The following POU5F1 variants were observed in gnomAD, a reference collection of about 807,000 sequenced individuals.
POU5F1 encodes POU class 5 homeobox 1, also known as POU domain, class 5, transcription factor 1.
In POU5F1, 6 loss-of-function variants were observed where a neutral mutation model predicts 38.3. The ratio of observed to expected loss-of-function variants is 0.16; its 90% CI spans 0.09 to 0.31. POU5F1 has a LOEUF of 0.31. Among genes scored for constraint, POU5F1 ranks in the 10% least tolerant of loss-of-function variants. The probability of loss-of-function intolerance (pLI) is 1.00; values close to 1 mark genes in which losing one functional copy is unlikely to be tolerated. For missense variants in POU5F1, 286 were observed against 462.6 expected, an observed-to-expected ratio of 0.62 and a Z score of 3.50; for synonymous variants, 147 against 194.9, an observed-to-expected ratio of 0.75 and a Z score of 2.05.
chr6:31,170,238 T>C lies in POU5F1; in HGVS notation c.383A>G (p.Lys128Arg). The C allele has an allele frequency of 6.2e-7, 1 of 1,612,920 alleles. No homozygotes were observed. The highest frequency in any genetic ancestry group is 1.7e-5 in the Admixed American group (1 of 60,020). Residue 128 changes from lysine to arginine, a missense_variant, in exon 1 of 5, where the codon AAG becomes AGG. Around this residue, in one of 2 missense-constraint regions of POU5F1, gnomAD observed 176 missense variants for 184.8 expected, o/e 0.95. Coordinates refer to ENST00000259915, the MANE Select transcript of POU5F1 (RefSeq NM_002701.6). ...TGCCTCCTCCGGGTTTTGCTCCAGCTTCTCCTTCTCCAGCTTCACGGCACC... is the reference window on the plus strand; with the variant it reads ...TGCCTCCTCCGGGTTTTGCTCCAGCCTCTCCTTCTCCAGCTTCACGGCACC... Reference protein sequence around the residue: ...TPGAVKLEKEKLEQNPEESQD... With the variant: ...TPGAVKLEKERLEQNPEESQD...
intron 1 of POU5F1, among the ~76,000 whole-genome samples, chr6:31,169,222 C>T (rs1561863046): frequency 6.6e-6 from 1 of 152,120 alleles, no homozygotes; most frequent in Non-Finnish European, 1.5e-5. Context: ...CACAGCCAGG[C>T]ACTTAGGAAG....
chr6:31,166,720 C>T (rs1323876773), intron 1 of POU5F1: 4 of 1,173,598 alleles, frequency 3.4e-6, no homozygotes, highest in African/African-American at 3.2e-5. Flanking sequence ...ACTCAAGTAT[C>T]ACCCCCAGTT....
Position 31,165,032 on chromosome 6 carries a change from C to A in POU5F1, c.816+96G>T. 6.4e-7 allele frequency: 1 copy of A among 1,556,196 alleles called. No individual in the cohort carries two copies. The highest frequency in any genetic ancestry group is 8.7e-7 in the Non-Finnish European group (1 of 1,149,880). On this transcript the variant is annotated intron_variant, in intron 4 of 4. Transcript: ENST00000259915. This position sits in a 1 kb window ranked among gnomAD's most constrained non-coding sequence, Gnocchi z 6.5. ...GACTGCTTGGACATTCTGTCCAAAG[C>A]CAACAGCCCTAGAGCAGTTGGAGGA...
chr6:31,165,782 T>A lies in POU5F1; in HGVS notation c.527-81A>T. ...GACCCTGAGATCCAAGCTTACCACC[T>A]CTTCCCAGAGGGAGCTCAAAGCATC... On this transcript the variant is annotated intron_variant, in intron 2 of 4. Coordinates refer to ENST00000259915, the MANE Select transcript of POU5F1 (RefSeq NM_002701.6). This position sits in a 1 kb window ranked among gnomAD's most constrained non-coding sequence, Gnocchi z 6.5. 6.4e-7 allele frequency: 1 copy of A among 1,556,524 alleles called. No individual in the cohort carries two copies. Among genetic ancestry groups the A allele is most frequent in the Non-Finnish European group, 8.7e-7 (1 of 1,151,200 alleles).
At position 31,167,000 on chromosome 6, in the gene POU5F1, G is replaced by A. The variant is rs1410508850; in HGVS notation, c.406-953C>T. ...TTACTGTATCTTTTTCACTATAGAGGCATCCTAATTGATTTTTAAATTCAA... is the reference window on the plus strand; with the variant it reads ...TTACTGTATCTTTTTCACTATAGAGACATCCTAATTGATTTTTAAATTCAA... On this transcript the variant is annotated intron_variant, in intron 1 of 4. Transcript: ENST00000259915. 7 of 757,470 alleles carry A rather than the reference G, an allele frequency of 9.2e-6. No homozygotes were observed. The East Asian group carries it at 2.6e-4, about 29-fold the overall frequency. 46.9% of individuals were successfully genotyped at this position (757,470 alleles called of 1,614,324 possible).
intron 1 of POU5F1, among the ~76,000 whole-genome samples, chr6:31,167,959 C>G (rs572241903): frequency 2.0e-5 from 3 of 150,872 alleles, no homozygotes; most frequent in African/African-American, 7.3e-5. Context: ...TTTCTCCCCA[C>G]CAAGACGGAA....
chr6:31,166,262 G>A lies in POU5F1; in HGVS notation c.406-215C>T, dbSNP rs761916552. ...TTCACTGACTCATGCATGTAACAAAGGACTACTCTTCCCCCAGAAACTGGC... is the reference window on the plus strand; with the variant it reads ...TTCACTGACTCATGCATGTAACAAAAGACTACTCTTCCCCCAGAAACTGGC... On this transcript the variant is annotated intron_variant, in intron 1 of 4. Transcript: ENST00000259915. The A allele has an allele frequency of 1.9e-6, 3 of 1,540,834 alleles. No individual in the cohort carries two copies. The East Asian group carries it at 7.4e-5, about 38-fold the overall frequency.
At position 31,166,004 on chromosome 6, in the gene POU5F1, G is replaced by A; in HGVS notation, c.449C>T (p.Ala150Val). The change falls in exon 2 of 5, where the codon GCC becomes GTC. Residue 150 changes from alanine (A) to valine (V), a missense_variant. Physicochemically the swap from Ala to Val is moderately conservative, Grantham distance 64. Transcript: ENST00000259915. ...GATCCTCTTCTGCTTCAGGAGCTTG[G>A]CAAATTGCTCGAGTTCTTTCTGCAG... ...KALQKELEQF[A>V]KLLKQKRITL... 6.2e-7 allele frequency: 1 copy of A among 1,614,204 alleles called. No individual in the cohort carries two copies. The highest frequency in any genetic ancestry group is 8.5e-7 in the Non-Finnish European group (1 of 1,180,034).
chr6:31,167,344 T>TA (rs1478039581), intron 1 of POU5F1, among the ~76,000 whole-genome samples: 2 of 151,994 alleles, frequency 1.3e-5, no homozygotes, highest in African/African-American at 4.8e-5. Flanking sequence ...CTGGGTAACA[T>TA]AGTGAGACCC....
intron 1 of POU5F1, chr6:31,166,852 T>G (rs1777302766): frequency 1.6e-6 from 2 of 1,247,976 alleles, no homozygotes; most frequent in African/African-American, 1.5e-5. Flanking sequence ...GCTTTGAGGG[T>G]CCCACAAACT....
rs751334783 is a variant in POU5F1, at chr6:31,170,299, C to T, written c.322G>A (p.Asp108Asn). The change falls in exon 1 of 5, where the codon GAT (aspartate) becomes AAT (asparagine). Residue 108 changes from aspartate to asparagine, a missense_variant. This residue lies in a region of POU5F1 where 176 missense variants were observed against 184.8 expected (regional missense o/e 0.95). Transcript: ENST00000259915. ...EAGVGVESNS[D>N]GASPEPCTVT... ...GTGCAGGGCTCCGGGGAGGCCCCAT[C>T]GGAGTTGCTCTCCACCCCGACTCCT... 13 of 1,612,796 alleles carry T rather than the reference C, an allele frequency of 8.1e-6. No homozygotes were observed. Among genetic ancestry groups the T allele is most frequent in the African/African-American group, 8.0e-5 (6 of 75,054 alleles).
Position 31,170,499 on chromosome 6 carries a change from G to A in POU5F1, c.122C>T (p.Pro41Leu). The part of the protein sequence containing the change: ...DPRTWLSFQG[P>L]PGGPGIGPGV... The stretch of plus-strand genomic sequence containing the variant: ...CGGCCCGATTCCTGGCCCTCCAGGA[G>A]GGCCTTGGAAGCTTAGCCAGGTCCG... The change falls in exon 1 of 5, where the codon CCT becomes CTT. Residue 41 changes from proline to leucine, a missense_variant. Around this residue, in one of 2 missense-constraint regions of POU5F1, gnomAD observed 176 missense variants for 184.8 expected, o/e 0.95. Transcript: ENST00000259915. The A allele has an allele frequency of 1.3e-6, 2 of 1,597,136 alleles. No individual in the cohort carries two copies. The highest frequency in any genetic ancestry group is 1.7e-6 in the Non-Finnish European group (2 of 1,172,680).
rs1473896040 is a variant in POU5F1, at chr6:31,165,114, G to A, written c.816+14C>T. ...GGGAAAGAGATGGAGCCCGCAGAGAGACATGGCACTCACATCCTTCTCGAG... is the reference window on the plus strand; with the variant it reads ...GGGAAAGAGATGGAGCCCGCAGAGAAACATGGCACTCACATCCTTCTCGAG... On this transcript the variant is annotated intron_variant, in intron 4 of 4. Coordinates refer to ENST00000259915, the MANE Select transcript of POU5F1 (RefSeq NM_002701.6). This position sits in a 1 kb window ranked among gnomAD's most constrained non-coding sequence, Gnocchi z 6.5. 2 of 1,605,720 alleles carry A rather than the reference G, an allele frequency of 1.2e-6. No homozygotes were observed. Among genetic ancestry groups the A allele is most frequent in the Non-Finnish European group, 1.7e-6 (2 of 1,176,404 alleles).
intron 1 of POU5F1, chr6:31,166,835 C>A: frequency 8.1e-7 from 1 of 1,240,568 alleles, no homozygotes; most frequent in Non-Finnish European, 1.0e-6. Context: ...TATACTCTCC[C>A]CAGCTTGCTT....
At position 31,170,440 on chromosome 6, in the gene POU5F1, G is replaced by A. The variant is rs1402701609; in HGVS notation, c.181C>T (p.Pro61Ser). The part of the protein sequence containing the change: ...VGPGSEVWGI[P>S]PCPPPYEFCG... ...AACTCATACGGCGGGGGGCATGGGGGAATCCCCCACACCTCAGAGCCTGGC... is the reference window on the plus strand; with the variant it reads ...AACTCATACGGCGGGGGGCATGGGGAAATCCCCCACACCTCAGAGCCTGGC... Residue 61 changes from proline to serine, a missense_variant, in exon 1 of 5, where the codon CCC (proline) becomes TCC (serine). Physicochemically the swap from Pro to Ser is moderately conservative, Grantham distance 74 (BLOSUM62 -1). Transcript: ENST00000259915. 9 of 1,610,868 alleles carry A rather than the reference G, an allele frequency of 5.6e-6. No homozygotes were observed. The highest frequency in any genetic ancestry group is 1.1e-5 in the South Asian group (1 of 90,832).
At chr6:31,167,035 C>T (rs983180480) in intron 1 of POU5F1, 25 of 621,028 alleles carry the variant, frequency 4.0e-5, no homozygotes, top group Admixed American at 2.9e-4. Flanking sequence ...AGAGATTTAT[C>T]GAGCACCTTC....
rs1395953191 is a variant in POU5F1, at chr6:31,165,958, G to A, written c.495C>T (p.Ala165=). 13 of 1,614,170 alleles carry A rather than the reference G, an allele frequency of 8.1e-6. No homozygotes were observed. The highest frequency in any genetic ancestry group is 3.3e-4 in the Middle Eastern group (2 of 6,058). Residue 165 remains alanine, a synonymous_variant, in exon 2 of 5, where the codon GCC becomes GCT. Coordinates refer to ENST00000259915, the MANE Select transcript of POU5F1 (RefSeq NM_002701.6). This position sits in a 1 kb window ranked among gnomAD's most constrained non-coding sequence, Gnocchi z 6.5. The part of the protein sequence containing the change: ...QKRITLGYTQ[A]DVGLTLGVLF... ...GAACCCCCAGGGTGAGCCCCACATC[G>A]GCCTGTGTATATCCCAGGGTGATCC...
chr6:31,168,925 C>G (rs773956828), intron 1 of POU5F1, among the ~76,000 whole-genome samples: 2 of 152,168 alleles, frequency 1.3e-5, no homozygotes, highest in Non-Finnish European at 2.9e-5. Flanking sequence ...AAAAACAAGG[C>G]CTTTTTGTAG....
In POU5F1 at chr6:31,165,596, G is replaced by A. The variant is rs1777167062; in HGVS notation, c.632C>T (p.Ala211Val). Residue 211 changes from alanine to valine, a missense_variant, in exon 3 of 5, where the codon GCT becomes GTT. Transcript: ENST00000259915. This position sits in a 1 kb window ranked among gnomAD's most constrained non-coding sequence, Gnocchi z 6.5. The part of the protein sequence containing the change: ...RPLLQKWVEE[A>V]DNNENLQEIC... ...CTCCTGAAGATTTTCATTGTTGTCA[G>A]CTTCCTCCACCCACTTCTGCAGCAA... The A allele has an allele frequency of 6.2e-7, 1 of 1,614,144 alleles. No homozygotes were observed. Among genetic ancestry groups the A allele is most frequent in the Non-Finnish European group, 8.5e-7 (1 of 1,180,034 alleles).
Sources: gnomAD v4.1 joint callset for allele counts (sites outside exome capture counted in the v4.1 genomes callset) on GRCh38, gnomAD v4.1.1 for gene constraint, gnomAD v4.1.1 regional missense constraint, Gnocchi (gnomAD v3.1) non-coding constraint, MANE v1.5 for transcripts, NCBI Gene and HGNC (gene_info 2026-07-23, HGNC 2026-07-21) for gene names.